ANGPT1: variants seen among roughly 807,000 people sequenced by gnomAD.
ANGPT1 encodes the protein angiopoietin 1.
Under a neutral mutation model 62.2 loss-of-function variants are expected in ANGPT1, and 17 were observed. The observed-to-expected ratio is 0.27, with a 90% CI of 0.19 to 0.41. The LOEUF is 0.41. ANGPT1 is among the 10% of genes least tolerant of loss of function. The pLI is 1.00. For missense variants in ANGPT1, 478 were observed against 594.9 expected (o/e 0.80, Z 2.04); for synonymous variants, 199 against 198.9 (o/e 1.00, Z 0.00).
Position 107,266,912 on chromosome 8 carries a change from A to G in ANGPT1, c.1206-2561T>C, listed in dbSNP as rs1003095484. ...TGTGTAATCAAGGCAATACAAATGC[A>G]TGATTATAAATTTGAGAAGAAAAGC... is the stretch of plus-strand genomic sequence containing the variant. On this transcript the variant is annotated intron_variant, in intron 7 of 8. Coordinates refer to ENST00000517746, the MANE Select transcript of ANGPT1 (RefSeq NM_001146.5). Among the ~76,000 whole-genome samples the G allele has an allele frequency of 2.6e-5, 4 of 152,168 alleles. No individual in the cohort carries two copies. The East Asian group carries it at 5.8e-4, about 22-fold the overall frequency.
chr8:107,406,240 T>C (rs1438858452), intron 1 of ANGPT1, among the ~76,000 whole-genome samples: 1 of 151,922 alleles, frequency 6.6e-6, no homozygotes, highest in Admixed American at 6.6e-5. Flanking sequence ...CTATACACTT[T>C]CATGTTGATT....
intron 1 of ANGPT1, among the ~76,000 whole-genome samples, chr8:107,382,635 A>C (rs1328154805): frequency 6.6e-6 from 1 of 150,484 alleles, no homozygotes; most frequent in African/African-American, 2.4e-5. Flanking sequence ...CACTAAACAC[A>C]GAGCTGGGAA....
At chr8:107,347,626 T>C (rs1001026234) in intron 1 of ANGPT1, among the ~76,000 whole-genome samples, 2 of 152,142 alleles carry the variant, frequency 1.3e-5, no homozygotes, top group African/African-American at 4.8e-5. Flanking sequence ...CACACTGCTT[T>C]GGGGAAATGG....
intron 1 of ANGPT1, among the ~76,000 whole-genome samples, chr8:107,353,164 G>C (rs899704086): frequency 6.6e-6 from 1 of 152,132 alleles, no homozygotes; most frequent in Non-Finnish European, 1.5e-5. Flanking sequence ...ATATCTGAAA[G>C]AATATTTACT....
chr8:107,395,500 G>C (rs1455857636), intron 1 of ANGPT1, among the ~76,000 whole-genome samples: 1 of 152,012 alleles, frequency 6.6e-6, no homozygotes, highest in African/African-American at 2.4e-5. Context: ...ATTTCTCACT[G>C]TATCTTTGCC....
At position 107,264,276 on chromosome 8, in the gene ANGPT1, A is replaced by G. The variant is rs142227983; in HGVS notation, c.1281T>C (p.Thr427=). ...TACAGTTGTCATTATCAGCATCTTT[A>G]GTGCTGAAATCAGCACCGTGTAAGA... ...SLILHGADFS[T]KDADNDNCMC... Residue 427 remains threonine, a synonymous_variant, in exon 8 of 9, where the codon ACT becomes ACC. Transcript: ENST00000517746. 2 of 1,613,868 alleles carry G rather than the reference A, an allele frequency of 1.2e-6. No homozygotes were observed. The highest frequency in any genetic ancestry group is 1.7e-5 in the Admixed American group (1 of 59,992).
chr8:107,474,118 G>C (rs1471564140), intron 1 of ANGPT1, among the ~76,000 whole-genome samples: 1 of 152,054 alleles, frequency 6.6e-6, no homozygotes, highest in African/African-American at 2.4e-5. Flanking sequence ...ACCAAAGCCT[G>C]ACAGAGACAC....
chr8:107,345,645 T>C (rs1815788647), intron 2 of ANGPT1, among the ~76,000 whole-genome samples: 1 of 152,152 alleles, frequency 6.6e-6, no homozygotes, highest in Non-Finnish European at 1.5e-5. Context: ...GAGCATTCTG[T>C]TCTAATAAAA....
At chr8:107,311,984 A>T (rs986180805) in intron 4 of ANGPT1, among the ~76,000 whole-genome samples, 6 of 151,856 alleles carry the variant, frequency 4.0e-5, no homozygotes, top group Admixed American at 2.0e-4. Context: ...GAATGGAGTG[A>T]ACCTGGGAGG....
intron 3 of ANGPT1, among the ~76,000 whole-genome samples, chr8:107,333,295 G>A (rs941372649): frequency 2.0e-5 from 3 of 152,142 alleles, no homozygotes; most frequent in Non-Finnish European, 4.4e-5. Flanking sequence ...GCAATACCAG[G>A]AGGCATAGAA....
At chr8:107,474,643 T>C (rs1812461969) in intron 1 of ANGPT1, among the ~76,000 whole-genome samples, 1 of 152,260 alleles carries the variant, frequency 6.6e-6, no homozygotes, top group Admixed American at 6.5e-5. Context: ...GAAGTCAAAT[T>C]GTCCGTGTTT....
chr8:107,483,479 C>T (rs553306168), intron 1 of ANGPT1, among the ~76,000 whole-genome samples: 1 of 152,168 alleles, frequency 6.6e-6, no homozygotes, highest in South Asian at 2.1e-4. Context: ...ACAGTTTCAC[C>T]TTCACAAGTG....
intron 1 of ANGPT1, among the ~76,000 whole-genome samples, chr8:107,353,784 T>C (rs1438764416): frequency 1.3e-5 from 2 of 152,142 alleles, no homozygotes; most frequent in East Asian, 3.9e-4. Context: ...AAGAGTTGAG[T>C]CTAGCAGGAA....
chr8:107,485,451 C>T (rs1563644388), intron 1 of ANGPT1, among the ~76,000 whole-genome samples: 2 of 152,118 alleles, frequency 1.3e-5, no homozygotes, highest in South Asian at 4.2e-4. Context: ...TCTCATGCAA[C>T]TGATACTCAG....
At chr8:107,339,984 T>C (rs1297169633) in intron 2 of ANGPT1, among the ~76,000 whole-genome samples, 1 of 152,182 alleles carries the variant, frequency 6.6e-6, no homozygotes, top group Non-Finnish European at 1.5e-5. Context: ...TCCTCTTCTT[T>C]CCCCATCACC....
intron 1 of ANGPT1, among the ~76,000 whole-genome samples, chr8:107,414,849 T>C (rs879926920): frequency 1.3e-5 from 2 of 152,192 alleles, no homozygotes; most frequent in Admixed American, 1.3e-4. Context: ...CCACTGGTTA[T>C]AAGAAGAGGT....
At chr8:107,316,113 TATTAG>T (rs1815007860) in intron 4 of ANGPT1, among the ~76,000 whole-genome samples, 2 of 152,188 alleles carry the variant, frequency 1.3e-5, no homozygotes, top group Non-Finnish European at 2.9e-5. Context: ...GTGCAATTGG[TATTAG>T]ATTAGACTTC....
At position 107,362,042 on chromosome 8, in the gene ANGPT1, C is replaced by T. The variant is rs138053871; in HGVS notation, c.298-14945G>A. On this transcript the variant is annotated intron_variant, in intron 1 of 8. Coordinates refer to ENST00000517746, the MANE Select transcript of ANGPT1 (RefSeq NM_001146.5). ...TGCACTCTGGCCTGGATGTCAAGAG[C>T]GAGATTCCGTCTCAAAATAAATAAA... is the stretch of plus-strand genomic sequence containing the variant. 3.7e-4 allele frequency among the ~76,000 whole-genome samples: 56 copies of T among 152,192 alleles called. No individual in the cohort carries two copies. The East Asian group carries it at 6.4e-3, about 17-fold the overall frequency.
chr8:107,353,735 T>C (rs973701585), intron 1 of ANGPT1, among the ~76,000 whole-genome samples: 6 of 152,168 alleles, frequency 3.9e-5, no homozygotes, highest in African/African-American at 1.2e-4. Context: ...GGTAAGTGTG[T>C]GCTGTGTACT....
Sources: allele counts gnomAD v4.1 joint callset (sites outside exome capture counted in the v4.1 genomes callset), GRCh38; gene constraint gnomAD v4.1.1; transcripts MANE v1.5; gene names NCBI Gene and HGNC (gene_info 2026-07-23, HGNC 2026-07-21).